The following PINK1 variants were observed in gnomAD, a reference collection of about 807,000 sequenced individuals.
PINK1 encodes the protein serine/threonine-protein kinase PINK1, mitochondrial.
Under a neutral mutation model 56.0 loss-of-function variants are expected in PINK1, and 58 were observed. That is an observed-to-expected ratio of 1.04 (90% CI 0.84 to 1.29). The LOEUF is 1.29. Ranked by LOEUF, PINK1 falls within the 50% of genes most tolerant of loss-of-function variation. The probability of loss-of-function intolerance (pLI) is 0.00; values close to 1 mark genes in which losing one functional copy is unlikely to be tolerated. For missense variants in PINK1, 745 were observed against 777.9 expected (o/e 0.96, Z 0.50); for synonymous variants, 354 against 339.3 (o/e 1.04, Z -0.48).
intron 1 of PINK1, 112 bp from the exon 2 acceptor site, chr1:20,637,730 A>G: frequency 1.6e-6 from 2 of 1,265,538 alleles, no homozygotes; most frequent in Non-Finnish European, 2.3e-6. Context: ...TGGTTTATTG[A>G]TCTGGTCGAC....
chr1:20,640,048 C>A, intron 3 of PINK1, 56 bp downstream of exon 3: 1 of 1,414,208 alleles, frequency 7.1e-7, no homozygotes, highest in Non-Finnish European at 9.8e-7. Context: ...CAACTTCATC[C>A]ATCACTTATG....
chr1:20,646,515 G>A (rs1346038356), intron 5 of PINK1, among the ~76,000 whole-genome samples: 1 of 152,024 alleles, frequency 6.6e-6, no homozygotes, highest in Non-Finnish European at 1.5e-5. Context: ...ATGGTGGCGG[G>A]CGCCTGTAAT....
In PINK1 at chr1:20,633,524, G is replaced by C. The variant is rs2053012407; in HGVS notation, c.-25G>C. 8.8e-7 allele frequency: 1 copy of C among 1,138,256 alleles called. No homozygotes were observed. The highest frequency in any genetic ancestry group is 1.1e-6 in the Non-Finnish European group (1 of 928,710). 70.5% of individuals were successfully genotyped at this position (1,138,256 alleles called of 1,614,324 possible). A position where few individuals can be genotyped will look rare whatever the true frequency, so the allele number is the denominator to read the frequency against. On this transcript the variant is annotated 5_prime_UTR_variant, in exon 1 of 8. Coordinates refer to ENST00000321556, the MANE Select transcript of PINK1 (RefSeq NM_032409.3). ...CGGTGGTGGCGGCAGCGGCGGCTGC[G>C]GGGGCACCGGGCCGCGGCGCCACCA...
rs374910091 is a variant in PINK1 at position 20,649,043 on chromosome 1, G to A, written c.1300G>A (p.Ala434Thr). Residue 434 changes from alanine (A) to threonine (T), a missense_variant, in exon 7 of 8, where the codon GCT (alanine) becomes ACT (threonine). Coordinates refer to ENST00000321556, the MANE Select transcript of PINK1 (RefSeq NM_032409.3). Reference sequence around the variant, plus strand: ...CAGGGCAGTGATTGACTACAGCAAGGCTGATGCCTGGGCAGTGGGAGCCAT... The same window carrying A: ...CAGGGCAGTGATTGACTACAGCAAGACTGATGCCTGGGCAGTGGGAGCCAT... ...GPRAVIDYSK[A>T]DAWAVGAIAY... is the part of the protein sequence containing the mutation. 13 of 1,613,942 alleles carry A rather than the reference G, an allele frequency of 8.1e-6. No homozygotes were observed. Among genetic ancestry groups the A allele is most frequent in the Non-Finnish European group, 1.1e-5 (13 of 1,180,056 alleles).
At chr1:20,640,618 A>C (rs1480606313) in intron 3 of PINK1, among the ~76,000 whole-genome samples, 6 of 152,138 alleles carry the variant, frequency 3.9e-5, no homozygotes. Context: ...GGGAAGTGGC[A>C]TTCCCAGCAG....
At chr1:20,645,489 A>T (rs1026455828) in intron 4 of PINK1, 71 bp from the exon 5 acceptor site, 1 of 1,187,330 alleles carries the variant, frequency 8.4e-7, no homozygotes, top group African/African-American at 1.7e-5. Context: ...CTCCATCTCA[A>T]AAAAAAAAAA....
chr1:20,638,359 G>A lies in PINK1; in HGVS notation c.675+230G>A, dbSNP rs919404218. 16 of 564,988 alleles carry A rather than the reference G, an allele frequency of 2.8e-5. No individual in the cohort carries two copies. In the East Asian group the frequency reaches 5.2e-4, roughly 18 times the overall value. 35.0% of individuals were successfully genotyped at this position (564,988 alleles called of 1,614,324 possible). On this transcript the variant is annotated intron_variant, in intron 2 of 7. Coordinates refer to ENST00000321556, the MANE Select transcript of PINK1 (RefSeq NM_032409.3). ...GAGATCAGGTTCAAAGGTAGATTTTGGCCAGGCCTGGTGGACCATGCCTGT... is the reference window on the plus strand; with the variant it reads ...GAGATCAGGTTCAAAGGTAGATTTTAGCCAGGCCTGGTGGACCATGCCTGT...
At chr1:20,649,933 G>T in intron 7 of PINK1, 1 of 225,240 alleles carries the variant, frequency 4.4e-6, no homozygotes, top group Non-Finnish European at 9.0e-6. Context: ...ATAAAGGAAT[G>T]CAAAGGCAGA....
At position 20,633,848 on chromosome 1, in the gene PINK1, C is replaced by G; in HGVS notation, c.300C>G (p.Val100=). 6.3e-7 allele frequency: 1 copy of G among 1,578,636 alleles called. No individual in the cohort carries two copies. Among genetic ancestry groups the G allele is most frequent in the Non-Finnish European group, 8.6e-7 (1 of 1,165,010 alleles). ...GCGCGGGCCCTTGCGGCCGGGCAGT[C>G]TTTCTGGCCTTCGGGCTAGGGCTGG... ...WGCAGPCGRA[V]FLAFGLGLGL... Residue 100 remains valine (V), a synonymous_variant, in exon 1 of 8, where the codon GTC becomes GTG. Coordinates refer to ENST00000321556, the MANE Select transcript of PINK1 (RefSeq NM_032409.3).
intron 2 of PINK1, 145 bp from the exon 3 acceptor site, chr1:20,639,747 C>A: frequency 1.4e-6 from 1 of 731,704 alleles, no homozygotes; most frequent in Non-Finnish European, 2.4e-6. Flanking sequence ...TCTCAGCCTG[C>A]CAGTTAAGAC....
chr1:20,640,873 A>C (rs937501721), intron 3 of PINK1, among the ~76,000 whole-genome samples: 2 of 152,164 alleles, frequency 1.3e-5, no homozygotes, highest in Admixed American at 1.3e-4. Flanking sequence ...CCCCGCCTTT[A>C]CAAAAAATAA....
chr1:20,645,798 T>C (rs2053172902), intron 5 of PINK1, 75 bp downstream of exon 5: 1 of 1,554,912 alleles, frequency 6.4e-7, no homozygotes, highest in East Asian at 2.3e-5. Context: ...GACTGACTCT[T>C]CAGGTCCTCT....
In PINK1 at chr1:20,644,662, G is replaced by C; in HGVS notation, c.949G>C (p.Val317Leu). The C allele has an allele frequency of 6.2e-7, 1 of 1,614,186 alleles. No individual in the cohort carries two copies. Among genetic ancestry groups the C allele is most frequent in the Non-Finnish European group, 8.5e-7 (1 of 1,180,048 alleles). The change falls in exon 4 of 8, where the codon GTT becomes CTT. Residue 317 changes from valine to leucine, a missense_variant. Coordinates refer to ENST00000321556, the MANE Select transcript of PINK1 (RefSeq NM_032409.3). The part of the protein sequence containing the change: ...GLGHGRTLFL[V>L]MKNYPCTLRQ... The stretch of plus-strand genomic sequence containing the variant: ...GGGCCATGGCCGGACGCTGTTCCTC[G>C]TTATGAAGAAGTAAGTGACAGCAGC...
chr1:20,650,901 C>A lies in PINK1; in HGVS notation c.*210C>A. On this transcript the variant is annotated 3_prime_UTR_variant, in exon 8 of 8. Transcript: ENST00000321556. ...TCACAGACATCTGAAAAGTGAATGG[C>A]CAAGCTGGTCTAGTAGATGAGGCTG... 1.5e-6 allele frequency: 1 copy of A among 649,052 alleles called. No homozygotes were observed. The allele number at this position is 649,052 out of a possible 1,614,324, so 40.2% of individuals were successfully genotyped here. A position where few individuals can be genotyped will look rare whatever the true frequency, so the allele number is the denominator to read the frequency against.
chr1:20,650,226 C>T, intron 7 of PINK1: 2 of 653,872 alleles, frequency 3.1e-6, no homozygotes, highest in Non-Finnish European at 5.4e-6. Flanking sequence ...GCATGCTGCC[C>T]CATGCAGAGG....
Position 20,645,709 on chromosome 1 carries a change from T to G in PINK1, c.1109T>G (p.Val370Gly). ...GACCTGAAATCCGACAACATCCTTG[T>G]GGAGCTGGACCCAGGTAGGAACCTG... ...HRDLKSDNIL[V>G]ELDPDGCPWL... Residue 370 changes from valine (V) to glycine (G), a missense_variant, in exon 5 of 8, where the codon GTG becomes GGG. By Grantham distance (109) the Val-to-Gly change is moderately radical. Transcript: ENST00000321556. The G allele has an allele frequency of 6.2e-7, 1 of 1,614,084 alleles. No homozygotes were observed. Among genetic ancestry groups the G allele is most frequent in the Non-Finnish European group, 8.5e-7 (1 of 1,180,006 alleles).
At chr1:20,643,778 A>C (rs1377713376) in intron 3 of PINK1, among the ~76,000 whole-genome samples, 1 of 152,156 alleles carries the variant, frequency 6.6e-6, no homozygotes, top group Non-Finnish European at 1.5e-5. Flanking sequence ...GCGTGTTAAC[A>C]CTGCATTCCC....
intron 3 of PINK1, among the ~76,000 whole-genome samples, chr1:20,640,245 C>G (rs962653787): frequency 6.6e-6 from 1 of 152,172 alleles, no homozygotes. Context: ...ATGCCCAGTT[C>G]ACAGTGTTGC....
intron 3 of PINK1, among the ~76,000 whole-genome samples, chr1:20,640,576 G>A (rs1006753659): frequency 6.6e-6 from 1 of 152,160 alleles, no homozygotes; most frequent in African/African-American, 2.4e-5. Context: ...ACCTTGTGAA[G>A]GATGAATTGG....
Sources: gnomAD v4.1 joint callset for allele counts (sites outside exome capture counted in the v4.1 genomes callset) on GRCh38, gnomAD v4.1.1 for gene constraint, MANE v1.5 for transcripts, NCBI Gene and HGNC (gene_info 2026-07-23, HGNC 2026-07-21) for gene names.